The following ZCCHC7 variants were observed in gnomAD, a reference collection of about 807,000 sequenced individuals.
The protein encoded by ZCCHC7 is zinc finger CCHC domain-containing protein 7.
ZCCHC7 carries 35 observed loss-of-function variants against 52.0 expected under a neutral mutation model. That is an observed-to-expected ratio of 0.67 (90% CI 0.51 to 0.89). ZCCHC7 has a LOEUF of 0.89. Ranked by LOEUF, ZCCHC7 falls within the 40% of genes least tolerant of loss-of-function variation. The pLI, the probability that ZCCHC7 is intolerant of heterozygous loss-of-function variation, is 0.00. For missense variants in ZCCHC7, 574 were observed against 649.1 expected, an observed-to-expected ratio of 0.88 and a Z score of 1.26; for synonymous variants, 217 against 221.5, an observed-to-expected ratio of 0.98 and a Z score of 0.18.
intron 2 of ZCCHC7, among the ~76,000 whole-genome samples, chr9:37,163,357 C>T (rs1356224391): frequency 8.3e-5 from 12 of 144,504 alleles, no homozygotes; most frequent in East Asian, 2.0e-4. Flanking sequence ...CACTGCACCC[C>T]GTCCTGGGTG....
At position 37,357,391 on chromosome 9, in the gene ZCCHC7, T is replaced by C; in HGVS notation, c.*123T>C. The C allele has an allele frequency of 1.1e-5, 10 of 907,508 alleles. No homozygotes were observed. The highest frequency in any genetic ancestry group is 1.6e-5 in the Non-Finnish European group (10 of 630,932). The allele number at this position is 907,508 out of a possible 1,614,324, so 56.2% of individuals were successfully genotyped here. On this transcript the variant is annotated 3_prime_UTR_variant, in exon 9 of 9. Coordinates refer to ENST00000336755, the MANE Select transcript of ZCCHC7 (RefSeq NM_032226.3). ...TGAGTTTTTGGTTTTGTTTTTTTAA[T>C]TTCAGCCATTCCTAGAGTTACTGAA...
intron 2 of ZCCHC7, among the ~76,000 whole-genome samples, chr9:37,131,037 G>A (rs752791424): frequency 2.0e-5 from 3 of 151,910 alleles, no homozygotes; most frequent in Non-Finnish European, 4.4e-5. Flanking sequence ...ATTTCAGTGA[G>A]ACATTATTAT....
At chr9:37,269,624 A>AAAAAAAAAAAAAAAAAAAAAAAAAAAAG in intron 2 of ZCCHC7, among the ~76,000 whole-genome samples, 1 of 132,440 alleles carries the variant, frequency 7.6e-6, no homozygotes, top group Non-Finnish European at 1.6e-5. Context: ...GTCTCAAAAA[A>AAAAAAAAAAAAAAAAAAAAAAAAAAAAG]AAAAAAAAAA....
intron 5 of ZCCHC7, among the ~76,000 whole-genome samples, chr9:37,316,016 CAAA>C (rs767867946): frequency 7.6e-6 from 1 of 131,948 alleles, no homozygotes; most frequent in Admixed American, 7.5e-5. Context: ...TCCTCAGTCT[CAAA>C]AAAAAAAAAA....
intron 2 of ZCCHC7, among the ~76,000 whole-genome samples, chr9:37,225,867 A>G (rs1825071426): frequency 2.0e-5 from 3 of 152,248 alleles, no homozygotes; most frequent in Admixed American, 1.3e-4. Context: ...TAAAACTGGG[A>G]AGAAGACAAG....
intron 2 of ZCCHC7, among the ~76,000 whole-genome samples, chr9:37,258,524 A>G (rs1468896290): frequency 6.6e-6 from 1 of 152,138 alleles, no homozygotes; most frequent in Admixed American, 6.5e-5. Context: ...TGGGAGGCTG[A>G]GGCGGGCAGA....
intron 2 of ZCCHC7, among the ~76,000 whole-genome samples, chr9:37,183,026 A>G (rs943920256): frequency 6.6e-5 from 10 of 152,230 alleles, no homozygotes; most frequent in African/African-American, 1.4e-4. Context: ...AGAAACAGAA[A>G]AGAAATCCTT....
intron 2 of ZCCHC7, among the ~76,000 whole-genome samples, chr9:37,163,787 T>G (rs1232654238): frequency 6.6e-6 from 1 of 152,234 alleles, no homozygotes. Context: ...CTGTATGTTC[T>G]CTTATAGAAA....
chr9:37,265,144 A>T (rs1025935564), intron 2 of ZCCHC7, among the ~76,000 whole-genome samples: 1 of 152,178 alleles, frequency 6.6e-6, no homozygotes, highest in African/African-American at 2.4e-5. Flanking sequence ...TTGAGAAAGG[A>T]ATCTTTCAGC....
In ZCCHC7 at chr9:37,348,969, C is replaced by T. The variant is rs539551096; in HGVS notation, c.988-388C>T. ...TTCTCTGACCCTTCTTTAACCCCAT[C>T]CGCTGGTGGGGGAGTCCCCCTCACC... is the stretch of plus-strand genomic sequence containing the variant. On this transcript the variant is annotated intron_variant, in intron 6 of 8. Coordinates refer to ENST00000336755, the MANE Select transcript of ZCCHC7 (RefSeq NM_032226.3). Among the ~76,000 whole-genome samples, 96 of 152,320 alleles carry T rather than the reference C, an allele frequency of 6.3e-4. 3 individuals carry two copies. The South Asian group carries it at 0.014, about 22-fold the overall frequency.
At chr9:37,156,647 A>C (rs1322002094) in intron 2 of ZCCHC7, among the ~76,000 whole-genome samples, 1 of 152,258 alleles carries the variant, frequency 6.6e-6, no homozygotes, top group African/African-American at 2.4e-5. Context: ...CATCGTTAAA[A>C]AGATACCCAC....
chr9:37,128,635 A>G (rs1203033005), intron 2 of ZCCHC7, among the ~76,000 whole-genome samples: 1 of 152,242 alleles, frequency 6.6e-6, no homozygotes, highest in Admixed American at 6.5e-5. Context: ...GCGTTGCTCT[A>G]GGTACCCATT....
At chr9:37,197,031 A>G (rs1823325308) in intron 2 of ZCCHC7, among the ~76,000 whole-genome samples, 1 of 152,234 alleles carries the variant, frequency 6.6e-6, no homozygotes, top group Non-Finnish European at 1.5e-5. Context: ...TGAGTTCATC[A>G]TTTGAATACA....
chr9:37,185,797 A>G (rs756018201), intron 2 of ZCCHC7, among the ~76,000 whole-genome samples: 5 of 152,192 alleles, frequency 3.3e-5, no homozygotes, highest in Non-Finnish European at 5.9e-5. Context: ...CCTTAATTAT[A>G]TCTAGAGGGA....
At chr9:37,294,456 C>T (rs1490186317) in intron 2 of ZCCHC7, among the ~76,000 whole-genome samples, 1 of 152,196 alleles carries the variant, frequency 6.6e-6, no homozygotes, top group Admixed American at 6.5e-5. Flanking sequence ...TATCTATAAA[C>T]ATGCAATTAT....
chr9:37,255,380 G>T (rs559947528), intron 2 of ZCCHC7, among the ~76,000 whole-genome samples: 17 of 152,156 alleles, frequency 1.1e-4, no homozygotes, highest in Non-Finnish European at 1.9e-4. Context: ...AACCCAGATG[G>T]CTACTAGGTG....
chr9:37,200,113 TATTCTTCCTATTCTTAA>T (rs1187368880), intron 2 of ZCCHC7, among the ~76,000 whole-genome samples: 1 of 152,214 alleles, frequency 6.6e-6, no homozygotes, highest in Non-Finnish European at 1.5e-5. Context: ...CACGTTCTTT[TATTCTTCCTATTCTTAA>T]TCCTTTGTGT....
At chr9:37,191,496 C>A (rs1234031135) in intron 2 of ZCCHC7, among the ~76,000 whole-genome samples, 1 of 151,924 alleles carries the variant, frequency 6.6e-6, no homozygotes, top group African/African-American at 2.4e-5. Flanking sequence ...TCCCCTACTC[C>A]CACCCCACTA....
At chr9:37,286,707 G>A (rs560306639) in intron 2 of ZCCHC7, among the ~76,000 whole-genome samples, 2 of 151,848 alleles carry the variant, frequency 1.3e-5, no homozygotes, top group African/African-American at 4.8e-5. Flanking sequence ...TTAGTACCTG[G>A]CACAGAATAA....
Sources: gnomAD v4.1 joint callset for allele counts (sites outside exome capture counted in the v4.1 genomes callset) on GRCh38, gnomAD v4.1.1 for gene constraint, MANE v1.5 for transcripts, NCBI Gene and HGNC (gene_info 2026-07-23, HGNC 2026-07-21) for gene names.